Variants in RPS6KA1 observed in about 807,000 individuals in gnomAD.
The protein encoded by RPS6KA1 is ribosomal protein S6 kinase alpha-1.
Under a neutral mutation model 91.3 loss-of-function variants are expected in RPS6KA1, and 48 were observed. That is an observed-to-expected ratio of 0.53 (90% CI 0.42 to 0.67). The LOEUF is 0.67. Ranked by LOEUF, RPS6KA1 falls within the 30% of genes least tolerant of loss-of-function variation. The pLI is 0.00. For synonymous variants in RPS6KA1, 359 were observed against 384.7 expected, an observed-to-expected ratio of 0.93 and a Z score of 0.78; for missense variants, 719 against 960.5, an observed-to-expected ratio of 0.75 and a Z score of 3.32.
chr1:26,561,559 G>A lies in RPS6KA1; in HGVS notation c.1486G>A (p.Glu496Lys). The A allele has an allele frequency of 6.2e-7, 1 of 1,614,138 alleles. No individual in the cohort carries two copies. The highest frequency in any genetic ancestry group is 8.5e-7 in the Non-Finnish European group (1 of 1,180,012). Residue 496 changes from glutamate (E) to lysine (K), a missense_variant, in exon 17 of 22, where the codon GAG (glutamate) becomes AAG (lysine). This residue lies in a region of RPS6KA1 where 249 missense variants were observed against 323.1 expected (regional missense o/e 0.77). Coordinates refer to ENST00000374168, the MANE Select transcript of RPS6KA1 (RefSeq NM_002953.4). The surrounding 1 kb of genome is among the most constrained non-coding windows in gnomAD (Gnocchi z 5.7). Reference sequence around the variant, plus strand: ...GGTGACAGAGCTGATGCGGGGTGGGGAGCTGCTGGACAAGATCCTGCGGCA... The same window carrying A: ...GGTGACAGAGCTGATGCGGGGTGGGAAGCTGCTGGACAAGATCCTGCGGCA... ...YLVTELMRGG[E>K]LLDKILRQKF...
In RPS6KA1 at chr1:26,553,472, A is replaced by G; in HGVS notation, c.550A>G (p.Ile184Val). The G allele has an allele frequency of 6.2e-7, 1 of 1,612,922 alleles. No homozygotes were observed. The change falls in exon 7 of 22, where the codon ATT becomes GTT. Residue 184 changes from isoleucine (I) to valine (V), a missense_variant. Transcript: ENST00000374168. The part of the protein sequence containing the change: ...GLDHLHSLGI[I>V]YRDLKPENIL... ...GGATCACCTGCACAGCCTGGGTATC[A>G]TTTACAGAGACCTCAAGCCTGAGAA...
rs146488311 is a variant in RPS6KA1 at position 26,554,535 on chromosome 1, A to G, written c.614-61A>G. The G allele has an allele frequency of 1.3e-6, 2 of 1,557,490 alleles. No individual in the cohort carries two copies. Among genetic ancestry groups the G allele is most frequent in the Non-Finnish European group, 1.7e-6 (2 of 1,146,080 alleles). On this transcript the variant is annotated intron_variant, in intron 8 of 21. Coordinates refer to ENST00000374168, the MANE Select transcript of RPS6KA1 (RefSeq NM_002953.4). This position sits in a 1 kb window ranked among gnomAD's most constrained non-coding sequence, Gnocchi z 4.6. ...TCTGGGCACGGGGGTTGGGTGTGCA[A>G]AGGGTGGCAGCAAGGAAGGCAGGGG... is the stretch of plus-strand genomic sequence containing the variant.
At position 26,551,437 on chromosome 1, in the gene RPS6KA1, G is replaced by A; in HGVS notation, c.348G>A (p.Leu116=). 1 of 1,614,152 alleles carries A rather than the reference G, an allele frequency of 6.2e-7. No individual in the cohort carries two copies. Among genetic ancestry groups the A allele is most frequent in the Non-Finnish European group, 8.5e-7 (1 of 1,180,028 alleles). ...GGACCAAGATGGAGAGAGACATCCTGGCTGATGTAAATCACCCATTCGTGG... is the reference window on the plus strand; with the variant it reads ...GGACCAAGATGGAGAGAGACATCCTAGCTGATGTAAATCACCCATTCGTGG... ...RVRTKMERDI[L]ADVNHPFVVK... is the part of the protein sequence containing the mutation. The change falls in exon 5 of 22, where the codon CTG becomes CTA. Residue 116 remains leucine (L), a synonymous_variant. Transcript: ENST00000374168. This position sits in a 1 kb window ranked among gnomAD's most constrained non-coding sequence, Gnocchi z 4.5.
rs1457728326 is a variant in RPS6KA1, at chr1:26,558,017, C to T, written c.1085-790C>T. Among the ~76,000 whole-genome samples, 5 of 151,690 alleles carry T rather than the reference C, an allele frequency of 3.3e-5. No individual in the cohort carries two copies. Among genetic ancestry groups the T allele is most frequent in the African/African-American group, 7.3e-5 (3 of 41,236 alleles). On this transcript the variant is annotated intron_variant, in intron 13 of 21. Coordinates refer to ENST00000374168, the MANE Select transcript of RPS6KA1 (RefSeq NM_002953.4). The surrounding 1 kb of genome is among the most constrained non-coding windows in gnomAD (Gnocchi z 4.0). ...CTAATTTTTGTATTTTTAGTAGAGA[C>T]GGGGTTTCACCATGTTGGCCAGGCT...
rs2076054599 is a variant in RPS6KA1 at position 26,551,984 on chromosome 1, G to T, written c.468+261G>T. Among the ~76,000 whole-genome samples, 1 of 152,236 alleles carries T rather than the reference G, an allele frequency of 6.6e-6. No individual in the cohort carries two copies. Among genetic ancestry groups the T allele is most frequent in the Non-Finnish European group, 1.5e-5 (1 of 68,044 alleles). ...ACCTCTGCACCTGCCTTCTTCCAGG[G>T]CTGCTCTGGGCAGAGGTGTGAAGAT... On this transcript the variant is annotated intron_variant, in intron 6 of 21. Coordinates refer to ENST00000374168, the MANE Select transcript of RPS6KA1 (RefSeq NM_002953.4). The surrounding 1 kb of genome is among the most constrained non-coding windows in gnomAD (Gnocchi z 4.5).
chr1:26,556,936 TG>T, intron 12 of RPS6KA1, 61 bp from the exon 13 acceptor site: 3 of 1,347,068 alleles, frequency 2.2e-6, no homozygotes, highest in South Asian at 1.2e-5. Context: ...TCCTCCTGCA[TG>T]GGGCTCCTGG....
At position 26,558,775 on chromosome 1, in the gene RPS6KA1, G is replaced by T. The variant is rs765990781; in HGVS notation, c.1085-32G>T. 1 of 1,580,426 alleles carries T rather than the reference G, an allele frequency of 6.3e-7. No individual in the cohort carries two copies. Among genetic ancestry groups the T allele is most frequent in the Non-Finnish European group, 8.7e-7 (1 of 1,155,612 alleles). On this transcript the variant is annotated intron_variant, in intron 13 of 21. Transcript: ENST00000374168. This position sits in a 1 kb window ranked among gnomAD's most constrained non-coding sequence, Gnocchi z 4.0. ...CCTCAGGGTCGAGGGGACCTCCTCA[G>T]GTACCCTCACATTCTCCTTCCATCC...
At chr1:26,572,735 T>C (rs931850539) in intron 20 of RPS6KA1, among the ~76,000 whole-genome samples, 5 of 152,152 alleles carry the variant, frequency 3.3e-5, no homozygotes, top group Non-Finnish European at 7.3e-5. Context: ...CTTTCAGTAT[T>C]AGCAACAGTT....
chr1:26,533,737 A>G (rs189024113), intron 1 of RPS6KA1, among the ~76,000 whole-genome samples: 374 of 152,296 alleles, frequency 2.5e-3, no homozygotes, highest in African/African-American at 8.8e-3. Flanking sequence ...AAAAAGTGAT[A>G]TGACAGACCC....
At chr1:26,541,558 G>GA (rs915995933) in intron 2 of RPS6KA1, among the ~76,000 whole-genome samples, 1 of 151,850 alleles carries the variant, frequency 6.6e-6, no homozygotes, top group African/African-American at 2.4e-5. Context: ...CCCTCTCAAA[G>GA]AAAAAAAAGG....
intron 1 of RPS6KA1, chr1:26,530,738 C>G: frequency 7.8e-7 from 1 of 1,282,362 alleles, no homozygotes; most frequent in Non-Finnish European, 1.0e-6. Flanking sequence ...AGCTCCTTCT[C>G]TCTCAGAAGC....
chr1:26,533,395 C>A (rs963970463), intron 1 of RPS6KA1, among the ~76,000 whole-genome samples: 1 of 152,046 alleles, frequency 6.6e-6, no homozygotes, highest in African/African-American at 2.4e-5. Context: ...TGCGCCTGGC[C>A]GAAACTGAGA....
In RPS6KA1 at chr1:26,572,305, C is replaced by T. The variant is rs182297973; in HGVS notation, c.1947+12C>T. On this transcript the variant is annotated intron_variant, in intron 20 of 21. Transcript: ENST00000374168. ...CAGAGACAGCCAAGGTGAGTCTGTA[C>T]GGCCTGCGTGGGCTTATTTGGAGGA... 1.1e-4 allele frequency: 168 copies of T among 1,579,262 alleles called. No individual in the cohort carries two copies. The highest frequency in any genetic ancestry group is 1.3e-4 in the Admixed American group (8 of 59,942).
intron 2 of RPS6KA1, among the ~76,000 whole-genome samples, chr1:26,539,785 C>A (rs916996282): frequency 2.0e-5 from 3 of 152,226 alleles, no homozygotes; most frequent in Non-Finnish European, 4.4e-5. Context: ...CTAAGGCACA[C>A]CGGGGCTCCA....
In RPS6KA1 at chr1:26,547,407, A is replaced by G. The variant is rs995463623; in HGVS notation, c.307+137A>G. 130 of 675,894 alleles carry G rather than the reference A, an allele frequency of 1.9e-4. 1 individual carries two copies. The highest frequency in any genetic ancestry group is 3.4e-4 in the Admixed American group (13 of 38,474). 41.9% of individuals were successfully genotyped at this position (675,894 alleles called of 1,614,324 possible). Reference sequence around the variant, plus strand: ...AGTTCAAAGGTGGAGAAACAGGCCTATTTCTCAGCTATCCCTCGCCAGCCA... The same window carrying G: ...AGTTCAAAGGTGGAGAAACAGGCCTGTTTCTCAGCTATCCCTCGCCAGCCA... On this transcript the variant is annotated intron_variant, in intron 4 of 21. Transcript: ENST00000374168. The surrounding 1 kb of genome is among the most constrained non-coding windows in gnomAD (Gnocchi z 4.1).
chr1:26,571,487 T>C lies in RPS6KA1; in HGVS notation c.1629T>C (p.Tyr543=), dbSNP rs761601039. 1.9e-6 allele frequency: 3 copies of C among 1,614,034 alleles called. No homozygotes were observed. In the African/African-American group the frequency reaches 4.0e-5, roughly 22 times the overall value. ...HRDLKPSNIL[Y]VDESGNPECL... is the part of the protein sequence containing the mutation. ...ACCTGAAGCCCAGCAACATCCTGTA[T>C]GTGGACGAGTCCGGGAATCCCGAGT... Residue 543 remains tyrosine (Y), a synonymous_variant, in exon 18 of 22, where the codon TAT becomes TAC. Transcript: ENST00000374168. The surrounding 1 kb of genome is among the most constrained non-coding windows in gnomAD (Gnocchi z 5.1).
intron 2 of RPS6KA1, chr1:26,545,743 G>A (rs2075988796): frequency 9.6e-7 from 1 of 1,046,090 alleles, no homozygotes; most frequent in Non-Finnish European, 1.3e-6. Flanking sequence ...GAGGGTGTAG[G>A]CCTGGTGCTG....
chr1:26,555,582 C>T lies in RPS6KA1; in HGVS notation c.873C>T (p.Ser291=). ...MPQFLSTEAQ[S]LLRALFKRNP... is the part of the protein sequence containing the mutation. Reference sequence around the variant, plus strand: ...AGTTTCTGAGCACTGAAGCCCAGAGCCTCTTGCGGGCCCTGTTCAAGCGGA... The same window carrying T: ...AGTTTCTGAGCACTGAAGCCCAGAGTCTCTTGCGGGCCCTGTTCAAGCGGA... Residue 291 remains serine (S), a synonymous_variant, in exon 11 of 22, where the codon AGC becomes AGT. Transcript: ENST00000374168. This position sits in a 1 kb window ranked among gnomAD's most constrained non-coding sequence, Gnocchi z 4.3. 6.2e-7 allele frequency: 1 copy of T among 1,601,802 alleles called. No homozygotes were observed. The highest frequency in any genetic ancestry group is 8.5e-7 in the Non-Finnish European group (1 of 1,173,598).
chr1:26,563,656 C>T (rs1170422926), intron 17 of RPS6KA1, among the ~76,000 whole-genome samples: 2 of 152,148 alleles, frequency 1.3e-5, no homozygotes, highest in Admixed American at 6.5e-5. Flanking sequence ...TTTATGCCAC[C>T]GACATATTGT....
Sources: gnomAD v4.1 joint callset for allele counts (sites outside exome capture counted in the v4.1 genomes callset) on GRCh38, gnomAD v4.1.1 for gene constraint, gnomAD v4.1.1 regional missense constraint, Gnocchi (gnomAD v3.1) non-coding constraint, MANE v1.5 for transcripts, NCBI Gene and HGNC (gene_info 2026-07-23, HGNC 2026-07-21) for gene names.